PCDHGB2: variants seen among roughly 807,000 people sequenced by gnomAD.
PCDHGB2 encodes the protein protocadherin gamma-B2.
A neutral mutation model predicts 59.3 loss-of-function variants in PCDHGB2; 55 were observed. The observed-to-expected ratio is 0.93, with a 90% CI of 0.75 to 1.16. PCDHGB2 has a LOEUF of 1.16. Ranked by LOEUF, PCDHGB2 falls within the 50% of genes most tolerant of loss-of-function variation. The pLI is 0.00. For synonymous variants in PCDHGB2, 516 were observed against 512.0 expected (o/e 1.01, Z -0.11); for missense variants, 1,228 against 1,198.5 (o/e 1.02, Z -0.36).
rs140779776 is a variant in PCDHGB2 at position 141,412,904 on chromosome 5, C to T, written c.2421+50348C>T. On this transcript the variant is annotated intron_variant, in intron 1 of 3. Transcript: ENST00000522605. ...CAACAGAATAGTTTACTTTCCATTG[C>T]ATGTATCACTTGGGTGCAGTAACTT... The T allele has an allele frequency of 4.0e-4, 150 of 378,712 alleles. 3 individuals carry two copies. In the East Asian group the frequency reaches 6.1e-3, roughly 15 times the overall value. 23.5% of individuals were successfully genotyped at this position (378,712 alleles called of 1,614,324 possible).
chr5:141,490,417 C>A lies in PCDHGB2; in HGVS notation c.2422-4390C>A, dbSNP rs767996336. ...AGTGAGCCTTGATATCTCTCCGGAC[C>A]TGCCATTTCAGATTAAGCCTTCTGA... On this transcript the variant is annotated intron_variant, in intron 1 of 3. Transcript: ENST00000522605. The surrounding 1 kb of genome is among the most constrained non-coding windows in gnomAD (Gnocchi z 5.4). 4.3e-6 allele frequency: 7 copies of A among 1,614,196 alleles called. No homozygotes were observed. In the South Asian group the frequency reaches 7.7e-5, roughly 18 times the overall value.
rs2099605485 is a variant in PCDHGB2 at position 141,485,030 on chromosome 5, G to A, written c.2422-9777G>A. 1 of 674,340 alleles carries A rather than the reference G, an allele frequency of 1.5e-6. No individual in the cohort carries two copies. Among genetic ancestry groups the A allele is most frequent in the East Asian group, 2.6e-5 (1 of 38,292 alleles). The allele number at this position is 674,340 out of a possible 1,614,324, so 41.8% of individuals were successfully genotyped here. A position where few individuals can be genotyped will look rare whatever the true frequency, so the allele number is the denominator to read the frequency against. ...CTACCCCGCCACCAGCAAAAACGGC[G>A]CGTAACCCTTGCGGCGCCGGCCGAA... On this transcript the variant is annotated intron_variant, in intron 1 of 3. Transcript: ENST00000522605. The surrounding 1 kb of genome is among the most constrained non-coding windows in gnomAD (Gnocchi z 5.7).
At chr5:141,364,936 C>T in intron 1 of PCDHGB2, 1 of 1,613,878 alleles carries the variant, frequency 6.2e-7, no homozygotes, top group South Asian at 1.1e-5. Flanking sequence ...CCCTAGACCG[C>T]GAGAAAGAGA....
intron 1 of PCDHGB2, among the ~76,000 whole-genome samples, chr5:141,382,275 G>A (rs192196334): frequency 6.6e-6 from 1 of 152,264 alleles, no homozygotes; most frequent in African/African-American, 2.4e-5. Context: ...GAACATATGT[G>A]TTCAATTAAT....
rs1280525764 is a variant in PCDHGB2 at position 141,367,851 on chromosome 5, GT to G, written c.2421+5298del. Reference sequence around the variant, plus strand: ...AATCAATACCTACTGCAATGTTAGCGTTTCTTTAAGTGTAGGTGCAATTCTT... The same window carrying G: ...AATCAATACCTACTGCAATGTTAGCGTTCTTTAAGTGTAGGTGCAATTCTT... On this transcript the variant is annotated intron_variant, in intron 1 of 3. Transcript: ENST00000522605. 2.6e-5 allele frequency: 4 copies of G among 151,844 alleles called. No homozygotes were observed. The East Asian group carries it at 5.8e-4, about 22-fold the overall frequency. The allele number at this position is 151,844 out of a possible 1,614,324, so 9.4% of individuals were successfully genotyped here.
intron 1 of PCDHGB2, chr5:141,418,471 G>A (rs199547102): frequency 1.9e-6 from 3 of 1,614,002 alleles, no homozygotes; most frequent in South Asian, 2.2e-5. Flanking sequence ...ACCGAGAAAC[G>A]CAGAGCGCTC....
chr5:141,360,210 C>G lies in PCDHGB2; in HGVS notation c.75C>G (p.Phe25Leu), dbSNP rs748051773. Reference protein sequence around the residue: ...QVLLPFLLSLFPGALPVQIRY... With the variant: ...QVLLPFLLSLLPGALPVQIRY... The stretch of plus-strand genomic sequence containing the variant: ...TGTTGCCCTTCCTGTTGTCTTTGTT[C>G]CCCGGGGCTCTCCCAGTCCAGATCC... Residue 25 changes from phenylalanine (F) to leucine (L), a missense_variant, in exon 1 of 4, where the codon TTC becomes TTG. Physicochemically the swap from Phe to Leu is conservative, Grantham distance 22. Around this residue, in one of 3 missense-constraint regions of PCDHGB2, gnomAD observed 781 missense variants for 721.6 expected, o/e 1.08. Coordinates refer to ENST00000522605, the MANE Select transcript of PCDHGB2 (RefSeq NM_018923.3). The G allele has an allele frequency of 1.2e-6, 2 of 1,613,122 alleles. No individual in the cohort carries two copies. Among genetic ancestry groups the G allele is most frequent in the East Asian group, 2.2e-5 (1 of 44,856 alleles).
intron 1 of PCDHGB2, chr5:141,383,335 A>G (rs768493481): frequency 3.1e-6 from 5 of 1,613,892 alleles, no homozygotes; most frequent in Non-Finnish European, 4.2e-6. Flanking sequence ...AATGGAGAAT[A>G]CAGCTCCTGG....
chr5:141,426,958 C>A (rs1176636556), intron 1 of PCDHGB2: 1 of 456,728 alleles, frequency 2.2e-6, no homozygotes, highest in South Asian at 1.5e-5. Context: ...GGCACTGCTG[C>A]AATTCAAATT....
intron 2 of PCDHGB2, among the ~76,000 whole-genome samples, chr5:141,504,997 AC>A (rs554150488): frequency 9.9e-5 from 15 of 152,238 alleles, no homozygotes; most frequent in African/African-American, 2.9e-4. Flanking sequence ...CCCCGTCTGT[AC>A]TAAAAATACA....
intron 1 of PCDHGB2, chr5:141,393,007 G>C: frequency 6.2e-7 from 1 of 1,613,850 alleles, no homozygotes; most frequent in Non-Finnish European, 8.5e-7. Context: ...CACGGAGTCC[G>C]TATCGTCTCC....
intron 1 of PCDHGB2, among the ~76,000 whole-genome samples, chr5:141,461,345 G>A (rs1277222105): frequency 1.3e-5 from 2 of 152,102 alleles, no homozygotes; most frequent in African/African-American, 4.8e-5. Context: ...CAGGACCAAG[G>A]TGGTAGCTCG....
intron 1 of PCDHGB2, chr5:141,410,784 G>T (rs1352997810): frequency 1.2e-6 from 1 of 817,034 alleles, no homozygotes; most frequent in Non-Finnish European, 1.7e-6. Context: ...CTATGTATTT[G>T]GTTCATAAGT....
rs760575047 is a variant in PCDHGB2 at position 141,493,887 on chromosome 5, G to A, written c.2422-920G>A. Among the ~76,000 whole-genome samples the A allele has an allele frequency of 1.3e-5, 2 of 152,184 alleles. No individual in the cohort carries two copies. The highest frequency in any genetic ancestry group is 2.4e-5 in the African/African-American group (1 of 41,448). On this transcript the variant is annotated intron_variant, in intron 1 of 3. Coordinates refer to ENST00000522605, the MANE Select transcript of PCDHGB2 (RefSeq NM_018923.3). The surrounding 1 kb of genome is among the most constrained non-coding windows in gnomAD (Gnocchi z 4.3). Reference sequence around the variant, plus strand: ...AGAACCAGTGAGGAGGTGGCTCTAGGAGTGCTCCATGAGAGTGTGTGATGG... The same window carrying A: ...AGAACCAGTGAGGAGGTGGCTCTAGAAGTGCTCCATGAGAGTGTGTGATGG...
rs778744503 is a variant in PCDHGB2, at chr5:141,511,152, G to C, written c.2775G>C (p.Ser925=). 2 of 1,614,140 alleles carry C rather than the reference G, an allele frequency of 1.2e-6. No individual in the cohort carries two copies. Among genetic ancestry groups the C allele is most frequent in the South Asian group, 2.2e-5 (2 of 91,086 alleles). The change falls in exon 4 of 4, where the codon TCG becomes TCC. Residue 925 remains serine, a synonymous_variant. Coordinates refer to ENST00000522605, the MANE Select transcript of PCDHGB2 (RefSeq NM_018923.3). ...PAGGNGNKKK[S]GKKEKK ...GTGGCAATGGCAACAAGAAGAAGTC[G>C]GGCAAGAAGGAGAAGAAGTAACATG...
chr5:141,366,376 T>C, intron 1 of PCDHGB2: 1 of 1,614,132 alleles, frequency 6.2e-7, no homozygotes, highest in Middle Eastern at 1.6e-4. Context: ...AGACCCCCAT[T>C]GACCCTGAGG....
chr5:141,390,041 C>T (rs373243233), intron 1 of PCDHGB2: 2 of 1,614,058 alleles, frequency 1.2e-6, no homozygotes, highest in Non-Finnish European at 1.7e-6. Context: ...CCTCCAGCCC[C>T]GCCTCCTGGA....
chr5:141,408,559 C>T (rs1490844526), intron 1 of PCDHGB2: 3 of 1,614,000 alleles, frequency 1.9e-6, no homozygotes, highest in Non-Finnish European at 2.5e-6. Flanking sequence ...TTTTTCATGT[C>T]ATTGTGGTGA....
In PCDHGB2 at chr5:141,432,255, C is replaced by T. The variant is rs1561859576; in HGVS notation, c.2422-62552C>T. The T allele has an allele frequency of 6.2e-7, 1 of 1,614,246 alleles. No individual in the cohort carries two copies. The highest frequency in any genetic ancestry group is 8.5e-7 in the Non-Finnish European group (1 of 1,180,048). On this transcript the variant is annotated intron_variant, in intron 1 of 3. Transcript: ENST00000522605. This position sits in a 1 kb window ranked among gnomAD's most constrained non-coding sequence, Gnocchi z 6.0. The stretch of plus-strand genomic sequence containing the variant: ...CTGGCTGAGAACACCATCCAAGGGG[C>T]AAGCCTATCGTCCTACGTGTCCATC...
Sources: allele counts gnomAD v4.1 joint callset (sites outside exome capture counted in the v4.1 genomes callset), GRCh38; gene constraint gnomAD v4.1.1; regional missense constraint gnomAD v4.1.1; non-coding constraint Gnocchi (gnomAD v3.1); transcripts MANE v1.5; gene names NCBI Gene and HGNC (gene_info 2026-07-23, HGNC 2026-07-21).